Variants in GDPD5 observed in about 807,000 individuals in gnomAD.
The protein encoded by GDPD5 is glycerophosphodiester phosphodiesterase domain containing 5, also known as glycerophosphodiester phosphodiesterase 2.
A neutral mutation model predicts 75.1 loss-of-function variants in GDPD5; 48 were observed. That is an observed-to-expected ratio of 0.64 (90% confidence interval 0.51 to 0.81). The LOEUF (loss-of-function observed/expected upper bound fraction) is 0.81. Among genes scored for constraint, GDPD5 ranks in the 40% least tolerant of loss-of-function variants. The probability of loss-of-function intolerance (pLI) is 0.00; values close to 1 mark genes in which losing one functional copy is unlikely to be tolerated. For missense variants in GDPD5, 706 were observed against 822.6 expected (o/e 0.86, Z 1.73); for synonymous variants, 336 against 339.0 (o/e 0.99, Z 0.10).
chr11:75,447,907 A>G (rs1163638336), intron 9 of GDPD5, among the ~76,000 whole-genome samples: 3 of 152,186 alleles, frequency 2.0e-5, no homozygotes, highest in African/African-American at 4.8e-5. Context: ...TGGACACCAG[A>G]TCCAGATCCC....
chr11:75,514,140 G>A (rs546021725), intron 1 of GDPD5, among the ~76,000 whole-genome samples: 7 of 152,332 alleles, frequency 4.6e-5, no homozygotes, highest in Admixed American at 4.6e-4. Flanking sequence ...TGAGGAGGGA[G>A]GCAAAACCCT....
chr11:75,519,864 T>C (rs1405954792), intron 1 of GDPD5, among the ~76,000 whole-genome samples: 1 of 152,230 alleles, frequency 6.6e-6, no homozygotes, highest in Non-Finnish European at 1.5e-5. Context: ...TTCGGTTGGA[T>C]GTGTGTGTGA....
rs377353889 is a variant in GDPD5 at position 75,449,532 on chromosome 11, G to T, written c.553C>A (p.Arg185Ser). The change falls in exon 8 of 17, where the codon CGC (arginine) becomes AGC (serine). Residue 185 changes from arginine (R) to serine (S), a missense_variant. By Grantham distance (110) the Arg-to-Ser change is moderately radical. Coordinates refer to ENST00000336898, the MANE Select transcript of GDPD5 (RefSeq NM_030792.8). ...LSWIVAGQFARAERTSSQVTI... is the reference protein window; with the variant it reads ...LSWIVAGQFASAERTSSQVTI... ...TTCTACTCACAGGTCCGCTCTGCGC[G>T]GGCGAACTGTCCTGCCACGATCCAG... is the stretch of plus-strand genomic sequence containing the variant. 2 of 1,579,030 alleles carry T rather than the reference G, an allele frequency of 1.3e-6. No homozygotes were observed. Among genetic ancestry groups the T allele is most frequent in the East Asian group, 2.3e-5 (1 of 43,412 alleles).
In GDPD5 at chr11:75,477,645, G is replaced by C. The variant is rs879736147; in HGVS notation, c.91C>G (p.Gln31Glu). Reference sequence around the variant, plus strand: ...GGTGTGGTATCATCATGGGAGCGCTGGTAGCGCTTCCAACGGCAGCCGTAG... The same window carrying C: ...GGTGTGGTATCATCATGGGAGCGCTCGTAGCGCTTCCAACGGCAGCCGTAG... ...GIYGCRWKRY[Q>E]RSHDDTTPWE... Residue 31 changes from glutamine to glutamate, a missense_variant, in exon 3 of 17, where the codon CAG becomes GAG. Transcript: ENST00000336898. 39 of 1,598,842 alleles carry C rather than the reference G, an allele frequency of 2.4e-5. No individual in the cohort carries two copies. Among genetic ancestry groups the C allele is most frequent in the Non-Finnish European group, 3.3e-5 (38 of 1,168,856 alleles).
At chr11:75,450,991 G>C (rs56389002) in intron 6 of GDPD5, 21,028 of 152,440 alleles carry the variant, frequency 0.14, 1,758 homozygotes, top group African/African-American at 0.23. Flanking sequence ...TGCCTCCCTG[G>C]AGCCGTTCTA....
chr11:75,505,321 C>T (rs1284288822), intron 1 of GDPD5, among the ~76,000 whole-genome samples: 1 of 152,020 alleles, frequency 6.6e-6, no homozygotes. Flanking sequence ...CTCTCAGGAT[C>T]CAGCTGCCTC....
intron 3 of GDPD5, among the ~76,000 whole-genome samples, chr11:75,474,635 G>C (rs1949742226): frequency 6.6e-6 from 1 of 152,090 alleles, no homozygotes; most frequent in African/African-American, 2.4e-5. Flanking sequence ...AGGCTTGGAA[G>C]AGGTGGGAAT....
Position 75,457,756 on chromosome 11 carries a change from G to A in GDPD5, c.252C>T (p.Ser84=), listed in dbSNP as rs200975282. The change falls in exon 5 of 17, where the codon AGC becomes AGT. Residue 84 remains serine (S), a synonymous_variant. Coordinates refer to ENST00000336898, the MANE Select transcript of GDPD5 (RefSeq NM_030792.8). ...TCACAAGGATGGGTACGGGCCAGTC[G>A]CTCCAGTAGCCCATGCGGTTGTAGA... ...WYLYNRMGYW[S]DWPVPILVTT... is the part of the protein sequence containing the mutation. The A allele has an allele frequency of 4.8e-5, 78 of 1,614,030 alleles. No homozygotes were observed. The Middle Eastern group carries it at 1.3e-3, about 27-fold the overall frequency.
At chr11:75,464,324 G>C (rs371928499) in intron 3 of GDPD5, among the ~76,000 whole-genome samples, 112 of 152,366 alleles carry the variant, frequency 7.4e-4, no homozygotes, top group African/African-American at 2.4e-3. Context: ...CCATGGGGTT[G>C]ATGGAGAATT....
At chr11:75,496,301 A>G (rs1303815054) in intron 1 of GDPD5, among the ~76,000 whole-genome samples, 1 of 152,218 alleles carries the variant, frequency 6.6e-6, no homozygotes, top group African/African-American at 2.4e-5. Context: ...GCAAATCTCC[A>G]CATTCCTTGC....
chr11:75,444,337 C>G (rs1414771368), intron 10 of GDPD5, 76 bp downstream of exon 10: 2 of 1,056,510 alleles, frequency 1.9e-6, no homozygotes, highest in Non-Finnish European at 3.0e-6. Context: ...ACCAGAGGTT[C>G]CCCCAGCAGA....
At chr11:75,471,003 G>T (rs931557792) in intron 3 of GDPD5, among the ~76,000 whole-genome samples, 2 of 152,190 alleles carry the variant, frequency 1.3e-5, no homozygotes, top group Admixed American at 6.5e-5. Context: ...AGGTCCCAGA[G>T]CCCAGCTGCA....
intron 1 of GDPD5, among the ~76,000 whole-genome samples, chr11:75,498,104 G>A (rs116982966): frequency 6.7e-6 from 1 of 150,314 alleles, no homozygotes; most frequent in East Asian, 2.0e-4. Context: ...GTGGAGGGGG[G>A]GCTGACTCCC....
chr11:75,504,811 C>T (rs1249028919), intron 1 of GDPD5, among the ~76,000 whole-genome samples: 1 of 152,084 alleles, frequency 6.6e-6, no homozygotes, highest in African/African-American at 2.4e-5. Context: ...TGTTTGTTAA[C>T]TTAAATAATA....
intron 2 of GDPD5, chr11:75,479,431 A>C (rs1289790188): frequency 6.6e-6 from 1 of 152,186 alleles, no homozygotes; most frequent in African/African-American, 2.4e-5. Flanking sequence ...AGGGCCAAAG[A>C]GGGGAACAGC....
intron 5 of GDPD5, among the ~76,000 whole-genome samples, chr11:75,457,186 G>C (rs1949302996): frequency 6.6e-6 from 1 of 152,226 alleles, no homozygotes; most frequent in Admixed American, 6.5e-5. Flanking sequence ...GTCCAGCATG[G>C]GGGATCCACC....
chr11:75,435,339 A>G lies in GDPD5; in HGVS notation c.*168T>C, dbSNP rs1043638. 0.64 allele frequency: 366,378 copies of G among 573,364 alleles called. 120,113 individuals are homozygous for G. Among genetic ancestry groups the G allele is most frequent in the Non-Finnish European group, 0.69 (231,591 of 337,198 alleles). The allele number at this position is 573,364 out of a possible 1,614,324, so 35.5% of individuals were successfully genotyped here. A position where few individuals can be genotyped will look rare whatever the true frequency, so the allele number is the denominator to read the frequency against. On this transcript the variant is annotated 3_prime_UTR_variant, in exon 17 of 17. Transcript: ENST00000336898. ...AGTCCTGGCCCAGCTGGGCCTCAGG[A>G]GACAGGGAGTCCCCCTCAAGAGAGG...
intron 4 of GDPD5, among the ~76,000 whole-genome samples, chr11:75,462,118 T>C (rs954438444): frequency 2.0e-5 from 3 of 152,168 alleles, no homozygotes; most frequent in Admixed American, 6.5e-5. Context: ...TCCAGGGCTA[T>C]CTCCTCTGCA....
Position 75,441,259 on chromosome 11 carries a change from C to T in GDPD5, c.1377G>A (p.Pro459=), listed in dbSNP as rs748430639. The T allele has an allele frequency of 3.7e-5, 60 of 1,613,984 alleles. No homozygotes were observed. Among genetic ancestry groups the T allele is most frequent in the Middle Eastern group, 1.6e-4 (1 of 6,084 alleles). ...LSVNLYTVNA[P]WLFSLLWCAG... ...CACACCACAGCAGGGAGAAGAGCCA[C>T]GGTGCGTTGACTGTGTAGAGGTTCA... The change falls in exon 14 of 17, where the codon CCG becomes CCA. Residue 459 remains proline, a synonymous_variant. Transcript: ENST00000336898.
Sources: allele counts gnomAD v4.1 joint callset (sites outside exome capture counted in the v4.1 genomes callset), GRCh38; gene constraint gnomAD v4.1.1; transcripts MANE v1.5; gene names NCBI Gene and HGNC (gene_info 2026-07-23, HGNC 2026-07-21).